HERC2: variants seen among roughly 807,000 people sequenced by gnomAD.
HERC2 encodes the protein HECT and RLD domain containing E3 ubiquitin protein ligase 2.
In HERC2, 102 loss-of-function variants were observed where a neutral mutation model predicts 537.7. The ratio of observed to expected loss-of-function variants is 0.19; its 90% CI spans 0.16 to 0.22. The LOEUF (loss-of-function observed/expected upper bound fraction) is 0.22. HERC2 is among the 10% of genes least tolerant of loss of function. HERC2 has a pLI of 1.00. For synonymous variants in HERC2, 2,224 were observed against 2,466.2 expected, an observed-to-expected ratio of 0.90 and a Z score of 2.91; for missense variants, 4,236 against 6,198.2, an observed-to-expected ratio of 0.68 and a Z score of 10.63.
At chr15:28,167,929 G>T in intron 67 of HERC2, 102 bp from the exon 68 acceptor site, 1 of 1,290,160 alleles carries the variant, frequency 7.8e-7, no homozygotes, top group Non-Finnish European at 1.1e-6. Flanking sequence ...AACTACTTGG[G>T]CTGTTTAGAA....
Position 28,225,231 on chromosome 15 carries a change from G to A in HERC2, c.5464+2987C>T, listed in dbSNP as rs192002078. On this transcript the variant is annotated intron_variant, in intron 35 of 92. Coordinates refer to ENST00000261609, the MANE Select transcript of HERC2 (RefSeq NM_004667.6). The stretch of plus-strand genomic sequence containing the variant: ...CTGTGCCACTGTACTTCGGCCTGAA[G>A]GAAAAGTAAGACCCTGTCTCAAAAC... Among the ~76,000 whole-genome samples, 76 of 151,238 alleles carry A rather than the reference G, an allele frequency of 5.0e-4. No individual in the cohort carries two copies. In the East Asian group the frequency reaches 0.01, roughly 21 times the overall value.
intron 78 of HERC2, among the ~76,000 whole-genome samples, chr15:28,137,335 C>G (rs570888207): frequency 6.6e-6 from 1 of 152,294 alleles, no homozygotes; most frequent in Non-Finnish European, 1.5e-5. Context: ...CTCCTGTATA[C>G]AGGCACACCC....
At chr15:28,180,119 A>G (rs989018693) in intron 57 of HERC2, among the ~76,000 whole-genome samples, 11 of 152,182 alleles carry the variant, frequency 7.2e-5, no homozygotes, top group African/African-American at 2.2e-4. Context: ...TCCATTATTC[A>G]TGGTAAGTGC....
intron 69 of HERC2, among the ~76,000 whole-genome samples, chr15:28,160,110 G>C (rs574272053): frequency 6.6e-6 from 1 of 152,312 alleles, no homozygotes; most frequent in South Asian, 2.1e-4. Flanking sequence ...TCTCAGAGGG[G>C]TACCCGGCCG....
intron 6 of HERC2, 93 bp downstream of exon 6, chr15:28,274,812 A>G: frequency 1.1e-6 from 1 of 941,508 alleles, no homozygotes; most frequent in Non-Finnish European, 1.7e-6. Flanking sequence ...ACATGGGATC[A>G]GCCAAAGGGC....
At chr15:28,158,750 T>A (rs1304407536) in intron 69 of HERC2, among the ~76,000 whole-genome samples, 1 of 151,512 alleles carries the variant, frequency 6.6e-6, no homozygotes, top group Non-Finnish European at 1.5e-5. Context: ...AAGGTTAATA[T>A]TATTATGTGT....
chr15:28,173,168 T>C (rs1048726874), intron 65 of HERC2, among the ~76,000 whole-genome samples: 67 of 152,324 alleles, frequency 4.4e-4, no homozygotes, highest in African/African-American at 1.6e-3. Flanking sequence ...TGTAGCGATC[T>C]TAAGAAGCTA....
intron 30 of HERC2, 93 bp from the exon 31 acceptor site, chr15:28,230,593 T>C: frequency 2.3e-6 from 2 of 883,716 alleles, no homozygotes; most frequent in East Asian, 2.7e-5. Flanking sequence ...AGGACAAATA[T>C]CTCATTCAAA....
intron 44 of HERC2, among the ~76,000 whole-genome samples, chr15:28,206,795 T>A (rs1202230995): frequency 7.8e-6 from 1 of 128,700 alleles, no homozygotes; most frequent in South Asian, 2.5e-4. Context: ...ATTGTGCCAC[T>A]GCACTCCAGC....
intron 2 of HERC2, among the ~76,000 whole-genome samples, chr15:28,314,941 A>T (rs2077042398): frequency 6.6e-6 from 1 of 152,190 alleles, no homozygotes; most frequent in Non-Finnish European, 1.5e-5. Flanking sequence ...AGCCATACAC[A>T]TCTGGCAGCT....
chr15:28,125,888 C>T (rs545349317), intron 83 of HERC2, among the ~76,000 whole-genome samples: 4 of 152,220 alleles, frequency 2.6e-5, no homozygotes, highest in African/African-American at 7.2e-5. Context: ...TCAAGCTCAC[C>T]GCAACCTCCG....
intron 80 of HERC2, 37 bp downstream of exon 80, chr15:28,132,616 A>G (rs1224327461): frequency 2.2e-6 from 3 of 1,374,954 alleles, no homozygotes; most frequent in Non-Finnish European, 2.8e-6. Flanking sequence ...AGTGAGGAGC[A>G]TGCAGCCTCC....
At chr15:28,285,239 T>TA (rs1295448795) in intron 4 of HERC2, among the ~76,000 whole-genome samples, 1 of 152,154 alleles carries the variant, frequency 6.6e-6, no homozygotes, top group Non-Finnish European at 1.5e-5. Context: ...AACAGCAGAA[T>TA]ACATAATCTG....
chr15:28,316,627 C>CT (rs1193871298), intron 2 of HERC2, among the ~76,000 whole-genome samples: 1 of 152,148 alleles, frequency 6.6e-6, no homozygotes, highest in Non-Finnish European at 1.5e-5. Context: ...AAAAACCACC[C>CT]TTAGAATCCA....
In HERC2 at chr15:28,199,979, A is replaced by G. The variant is rs1331369920; in HGVS notation, c.7717-1210T>C. The stretch of plus-strand genomic sequence containing the variant: ...ATGAATGTTTGTGTCCCCCCCACCA[A>G]AATTCATGAAGTCCCAACTCCTAAT... On this transcript the variant is annotated intron_variant, in intron 48 of 92. Coordinates refer to ENST00000261609, the MANE Select transcript of HERC2 (RefSeq NM_004667.6). Among the ~76,000 whole-genome samples the G allele has an allele frequency of 2.6e-5, 4 of 152,240 alleles. No individual in the cohort carries two copies. The South Asian group carries it at 6.2e-4, about 24-fold the overall frequency.
rs1416911084 is a variant in HERC2 at position 28,272,405 on chromosome 15, T to C, written c.912-19A>G. ...CATTTGGCTAAAGGAGAAAAGATAT[T>C]TATTCTAGTAAAAACAGATTAACTT... On this transcript the variant is annotated intron_variant, in intron 8 of 92. Transcript: ENST00000261609. 1 of 1,600,552 alleles carries C rather than the reference T, an allele frequency of 6.2e-7. No homozygotes were observed. The highest frequency in any genetic ancestry group is 2.3e-5 in the East Asian group (1 of 44,426).
intron 20 of HERC2, among the ~76,000 whole-genome samples, chr15:28,253,179 A>G (rs2075138435): frequency 6.6e-6 from 1 of 151,944 alleles, no homozygotes. Flanking sequence ...TTTACACAAC[A>G]CTGACCGTTT....
intron 86 of HERC2, among the ~76,000 whole-genome samples, chr15:28,119,399 CAAAAAAAAAAAAAAAAAA>C (rs201078187): frequency 7.5e-6 from 1 of 133,928 alleles, no homozygotes; most frequent in South Asian, 2.4e-4. Context: ...GACTCCCTCT[CAAAAAAAAAAAAAAAAAA>C]AAAAAAAAAA....
intron 2 of HERC2, among the ~76,000 whole-genome samples, chr15:28,308,901 G>A (rs957550465): frequency 3.9e-5 from 6 of 152,314 alleles, no homozygotes; most frequent in South Asian, 2.1e-4. Context: ...ACCCCACTTG[G>A]TCACAATGAA....
Sources: gnomAD v4.1 joint callset for allele counts (sites outside exome capture counted in the v4.1 genomes callset) on GRCh38, gnomAD v4.1.1 for gene constraint, MANE v1.5 for transcripts, NCBI Gene and HGNC (gene_info 2026-07-23, HGNC 2026-07-21) for gene names.